Variants in EPHA6 observed in about 807,000 individuals in gnomAD.
EPHA6 encodes the protein EPH receptor A6, also known as ephrin type-A receptor 6.
Under a neutral mutation model 112.0 loss-of-function variants are expected in EPHA6, and 50 were observed. The observed-to-expected ratio is 0.45, with a 90% CI of 0.36 to 0.56. The LOEUF is 0.56. Among genes scored for constraint, EPHA6 ranks in the 20% least tolerant of loss-of-function variants. The pLI, the probability that EPHA6 is intolerant of heterozygous loss-of-function variation, is 0.00. For synonymous variants in EPHA6, 529 were observed against 490.7 expected, an observed-to-expected ratio of 1.08 and a Z score of -1.03; for missense variants, 1,280 against 1,417.4, an observed-to-expected ratio of 0.90 and a Z score of 1.56.
chr3:97,408,960 T>G (rs2087537508), intron 6 of EPHA6, among the ~76,000 whole-genome samples: 1 of 152,142 alleles, frequency 6.6e-6, no homozygotes, highest in African/African-American at 2.4e-5. Flanking sequence ...AAGAAAAGAA[T>G]TGATTTCAAC....
chr3:97,643,418 T>C (rs1351992690), intron 14 of EPHA6, among the ~76,000 whole-genome samples: 3 of 152,096 alleles, frequency 2.0e-5, no homozygotes, highest in Non-Finnish European at 4.4e-5. Context: ...ATCATAATGA[T>C]AGGATCAAAT....
chr3:97,060,794 G>GGC (rs1297463317), intron 3 of EPHA6, among the ~76,000 whole-genome samples: 1 of 151,144 alleles, frequency 6.6e-6, no homozygotes, highest in African/African-American at 2.4e-5. Flanking sequence ...CGTAGTGGCA[G>GGC]GCGCCTGTAG....
At chr3:97,148,091 ATTG>A (rs1285266296) in intron 3 of EPHA6, among the ~76,000 whole-genome samples, 1 of 152,126 alleles carries the variant, frequency 6.6e-6, no homozygotes, top group Non-Finnish European at 1.5e-5. Context: ...CAAAAATTTT[ATTG>A]TTAACACAGC....
At chr3:97,718,649 C>A (rs1242651311) in intron 14 of EPHA6, among the ~76,000 whole-genome samples, 1 of 152,054 alleles carries the variant, frequency 6.6e-6, no homozygotes, top group African/African-American at 2.4e-5. Context: ...CCTTGCAACT[C>A]CCTGCCCCCC....
chr3:97,735,432 A>G (rs887093292), intron 15 of EPHA6, among the ~76,000 whole-genome samples: 2 of 152,100 alleles, frequency 1.3e-5, no homozygotes, highest in African/African-American at 4.8e-5. Context: ...TAAATTAATG[A>G]TGAAGAAAGA....
intron 3 of EPHA6, among the ~76,000 whole-genome samples, chr3:97,109,124 G>C (rs2047647659): frequency 6.6e-6 from 1 of 152,140 alleles, no homozygotes; most frequent in Non-Finnish European, 1.5e-5. Context: ...AAAGAACCAT[G>C]ATTTATTTGA....
At chr3:97,030,221 G>C (rs552547690) in intron 3 of EPHA6, among the ~76,000 whole-genome samples, 32 of 152,180 alleles carry the variant, frequency 2.1e-4, no homozygotes, top group African/African-American at 7.2e-4. Context: ...ATTGTGCCAA[G>C]TTGCTGAAGC....
chr3:97,481,568 G>A (rs954118786), intron 9 of EPHA6: 26 of 620,788 alleles, frequency 4.2e-5, no homozygotes, highest in Non-Finnish European at 6.6e-5. Flanking sequence ...CGGCGCGTCC[G>A]GCGCTGGGGG....
At chr3:97,200,267 T>G (rs1408994264) in intron 3 of EPHA6, among the ~76,000 whole-genome samples, 1 of 152,108 alleles carries the variant, frequency 6.6e-6, no homozygotes, top group African/African-American at 2.4e-5. Flanking sequence ...TCCAGGCTCC[T>G]TCCTGGGTCA....
At chr3:97,644,536 C>T (rs1457097945) in intron 14 of EPHA6, among the ~76,000 whole-genome samples, 1 of 151,912 alleles carries the variant, frequency 6.6e-6, no homozygotes, top group Non-Finnish European at 1.5e-5. Flanking sequence ...ATTGATAGAC[C>T]ACTAGCAAGA....
At chr3:97,180,727 A>T (rs867579851) in intron 3 of EPHA6, among the ~76,000 whole-genome samples, 3 of 152,016 alleles carry the variant, frequency 2.0e-5, no homozygotes, top group African/African-American at 7.2e-5. Context: ...GGAATCCTAG[A>T]TACAAGATAA....
intron 6 of EPHA6, among the ~76,000 whole-genome samples, chr3:97,434,072 T>C (rs569386222): frequency 2.0e-5 from 3 of 152,186 alleles, no homozygotes; most frequent in Non-Finnish European, 4.4e-5. Context: ...TTATTATTTC[T>C]TACATCTGTG....
At chr3:97,409,102 C>T (rs547654692) in intron 6 of EPHA6, among the ~76,000 whole-genome samples, 140 of 152,138 alleles carry the variant, frequency 9.2e-4, no homozygotes, top group African/African-American at 3.2e-3. Flanking sequence ...TTACCTCTAA[C>T]AAGTTTTTTA....
intron 14 of EPHA6, among the ~76,000 whole-genome samples, chr3:97,702,484 T>G (rs2033450453): frequency 6.6e-6 from 1 of 152,208 alleles, no homozygotes; most frequent in Non-Finnish European, 1.5e-5. Context: ...TTGAATTTTC[T>G]TAGAAACCTG....
In EPHA6 at chr3:97,177,829, C is replaced by A. The variant is rs116898280; in HGVS notation, c.1115-48435C>A. The stretch of plus-strand genomic sequence containing the variant: ...CTCTTACCATCTCTTTATTATCAGT[C>A]TATGTGTGCCTTTAAAAGTGAAGTG... On this transcript the variant is annotated intron_variant, in intron 3 of 17. Transcript: ENST00000389672. 2.5e-3 allele frequency among the ~76,000 whole-genome samples: 377 copies of A among 152,038 alleles called. 8 individuals are homozygous for A. The East Asian group carries it at 0.064, about 26-fold the overall frequency.
At chr3:97,549,360 C>G (rs965833896) in intron 11 of EPHA6, among the ~76,000 whole-genome samples, 3 of 152,000 alleles carry the variant, frequency 2.0e-5, no homozygotes, top group African/African-American at 7.3e-5. Flanking sequence ...CTTGCAAACA[C>G]TAAAGGTGAT....
chr3:97,231,054 A>T (rs1205625002), intron 4 of EPHA6, among the ~76,000 whole-genome samples: 1 of 152,110 alleles, frequency 6.6e-6, no homozygotes, highest in Non-Finnish European at 1.5e-5. Context: ...GACTCAAAAT[A>T]ATCCTTATGC....
rs1247673664 is a variant in EPHA6, at chr3:97,484,076, C to CACTT, written c.2200+18_2200+21dup. ...TTGGGGCAGGTAAATGTCAAATCTA[C>CACTT]ACTTTTGAACAAAACATTCCTTAAT... On this transcript the variant is annotated intron_variant, in intron 10 of 17. Coordinates refer to ENST00000389672, the MANE Select transcript of EPHA6 (RefSeq NM_001080448.3). 1 of 1,586,398 alleles carries CACTT rather than the reference C, an allele frequency of 6.3e-7. No individual in the cohort carries two copies. Among genetic ancestry groups the CACTT allele is most frequent in the South Asian group, 1.2e-5 (1 of 84,540 alleles).
intron 1 of EPHA6, 54 bp from the exon 2 acceptor site, chr3:96,866,771 A>G: frequency 2.2e-6 from 2 of 913,176 alleles, no homozygotes; most frequent in Non-Finnish European, 3.2e-6. Context: ...AATTTAATAT[A>G]TTTTTGCATT....
Sources: gnomAD v4.1 joint callset for allele counts (sites outside exome capture counted in the v4.1 genomes callset) on GRCh38, gnomAD v4.1.1 for gene constraint, MANE v1.5 for transcripts, NCBI Gene and HGNC (gene_info 2026-07-23, HGNC 2026-07-21) for gene names.